CATIP: variants seen among roughly 807,000 people sequenced by gnomAD.
CATIP encodes the protein ciliogenesis associated TTC17 interacting protein, also known as ciliogenesis-associated TTC17-interacting protein.
A neutral mutation model predicts 42.5 loss-of-function variants in CATIP; 40 were observed. That is an observed-to-expected ratio of 0.94 (90% CI 0.73 to 1.22). The LOEUF (loss-of-function observed/expected upper bound fraction) is 1.22. Among genes scored for constraint, CATIP ranks in the 50% most tolerant of loss-of-function variants. The pLI is 0.00. For synonymous variants in CATIP, 222 were observed against 200.2 expected, an observed-to-expected ratio of 1.11 and a Z score of -0.92; for missense variants, 489 against 496.0, an observed-to-expected ratio of 0.99 and a Z score of 0.13.
intron 4 of CATIP, among the ~76,000 whole-genome samples, chr2:218,360,025 C>T (rs578112790): frequency 2.3e-4 from 35 of 152,098 alleles, no homozygotes; most frequent in African/African-American, 7.0e-4. Context: ...GGGGTTTTGC[C>T]ATGTTGGCCA....
chr2:218,360,792 C>G, intron 5 of CATIP, 133 bp downstream of exon 5: 1 of 586,646 alleles, frequency 1.7e-6, no homozygotes, highest in Non-Finnish European at 3.0e-6. Context: ...TCAGGAGGTC[C>G]TGAGGAAATG....
Position 218,367,454 on chromosome 2 carries a change from T to C in CATIP, c.857T>C (p.Phe286Ser), listed in dbSNP as rs1343170953. The C allele has an allele frequency of 6.2e-7, 1 of 1,613,966 alleles. No homozygotes were observed. The highest frequency in any genetic ancestry group is 8.5e-7 in the Non-Finnish European group (1 of 1,180,014). ...GATGAGATTGAGCCACGCCCAGTGT[T>C]TGAGAAGAAGCCCCTGGTATGGGAG... is the stretch of plus-strand genomic sequence containing the variant. Reference protein sequence around the residue: ...EEDEIEPRPVFEKKPLVWEED... With the variant: ...EEDEIEPRPVSEKKPLVWEED... The change falls in exon 9 of 10, where the codon TTT becomes TCT. Residue 286 changes from phenylalanine (F) to serine (S), a missense_variant. Coordinates refer to ENST00000289388, the MANE Select transcript of CATIP (RefSeq NM_198559.2).
At chr2:218,364,466 A>G (rs1695353911) in intron 6 of CATIP, among the ~76,000 whole-genome samples, 162 bp from the exon 7 acceptor site, 1 of 152,226 alleles carries the variant, frequency 6.6e-6, no homozygotes, top group African/African-American at 2.4e-5. Flanking sequence ...ACCTGGAGCT[A>G]GCTCCCTATG....
chr2:218,365,750 T>A (rs1003863335), intron 7 of CATIP: 1 of 152,194 alleles, frequency 6.6e-6, no homozygotes, highest in African/African-American at 2.4e-5. Flanking sequence ...GAATGCCGCA[T>A]AGCAGGAGAT....
chr2:218,364,484 G>A (rs1695354695), intron 6 of CATIP, 144 bp from the exon 7 acceptor site: 9 of 1,222,108 alleles, frequency 7.4e-6, no homozygotes, highest in South Asian at 1.5e-5. Flanking sequence ...ATGAGGGGTC[G>A]CCAACTCAGC....
chr2:218,357,887 T>A, intron 3 of CATIP, 150 bp from the exon 4 acceptor site: 2 of 1,064,282 alleles, frequency 1.9e-6, no homozygotes, highest in Non-Finnish European at 2.9e-6. Flanking sequence ...GAGTTCCTCA[T>A]GGACTCGGGA....
intron 7 of CATIP, 122 bp from the exon 8 acceptor site, chr2:218,366,902 G>T: frequency 1.3e-6 from 1 of 754,774 alleles, no homozygotes; most frequent in Non-Finnish European, 2.4e-6. Flanking sequence ...GCATGTAAAC[G>T]TAATGACCTC....
chr2:218,367,087 C>T lies in CATIP; in HGVS notation c.819C>T (p.Ile273=). Reference sequence around the variant, plus strand: ...GCTGCATCATCACCAAGATGCCCATCTTGAGGGAAGAGGGTGAGTGAAGCC... The same window carrying T: ...GCTGCATCATCACCAAGATGCCCATTTTGAGGGAAGAGGGTGAGTGAAGCC... The part of the protein sequence containing the change: ...PGCCIITKMP[I]LREEDEIEPR... The change falls in exon 8 of 10, where the codon ATC becomes ATT. Residue 273 remains isoleucine (I), a synonymous_variant. Coordinates refer to ENST00000289388, the MANE Select transcript of CATIP (RefSeq NM_198559.2). 3 of 1,613,112 alleles carry T rather than the reference C, an allele frequency of 1.9e-6. No homozygotes were observed. The South Asian group carries it at 3.3e-5, about 18-fold the overall frequency.
chr2:218,363,166 G>A (rs1163892858), intron 6 of CATIP, among the ~76,000 whole-genome samples: 1 of 152,114 alleles, frequency 6.6e-6, no homozygotes, highest in Non-Finnish European at 1.5e-5. Flanking sequence ...AATAAATATA[G>A]TGCAGGGCTG....
rs1695200597 is a variant in CATIP, at chr2:218,360,626, G to C, written c.429G>C (p.Gln143His). Residue 143 changes from glutamine (Q) to histidine (H), a missense_variant, in exon 5 of 10, where the codon CAG (glutamine) becomes CAC (histidine). Transcript: ENST00000289388. ...RKMSLLKQDD[Q>H]LAVTRSIKEG... ...TGAGTTTGCTGAAGCAGGATGATCA[G>C]CTGGCTGTGACCAGAAGTATCAAGG... The C allele has an allele frequency of 6.2e-7, 1 of 1,613,890 alleles. No individual in the cohort carries two copies. Among genetic ancestry groups the C allele is most frequent in the Non-Finnish European group, 8.5e-7 (1 of 1,179,992 alleles).
chr2:218,358,880 T>A (rs1303594540), intron 4 of CATIP, among the ~76,000 whole-genome samples: 1 of 66,128 alleles, frequency 1.5e-5, no homozygotes, highest in South Asian at 6.8e-4. Context: ...TGAGACCCTG[T>A]CTCAAAAAAA....
intron 7 of CATIP, chr2:218,366,778 A>G (rs937607376): frequency 2.3e-5 from 11 of 475,450 alleles, no homozygotes; most frequent in South Asian, 4.1e-5. Context: ...TGCCTTCTCA[A>G]TGTGTCCTCA....
intron 7 of CATIP, 53 bp downstream of exon 7, chr2:218,364,805 A>C (rs1467270624): frequency 6.4e-7 from 1 of 1,570,154 alleles, no homozygotes; most frequent in Non-Finnish European, 8.7e-7. Context: ...GTAGGTGCTC[A>C]AGGAGACCGG....
intron 7 of CATIP, chr2:218,366,325 A>T (rs1448067283): frequency 6.6e-6 from 1 of 152,146 alleles, no homozygotes; most frequent in Non-Finnish European, 1.5e-5. Context: ...GCGTTTCACT[A>T]TGTTGGCCAG....
intron 7 of CATIP, chr2:218,365,418 A>C (rs1284018174): frequency 1.3e-5 from 2 of 152,102 alleles, no homozygotes; most frequent in African/African-American, 2.4e-5. Context: ...TCTCAAAAAA[A>C]AAAAAGAAAG....
At position 218,367,766 on chromosome 2, in the gene CATIP, C is replaced by T; in HGVS notation, c.966C>T (p.Pro322=). 1 of 1,610,676 alleles carries T rather than the reference C, an allele frequency of 6.2e-7. No homozygotes were observed. ...LGHASYLRQH[P]EAHALISDFL... ...ACGCCAGCTATCTGCGGCAGCACCC[C>T]GAAGCCCACGCGCTCATCTCCGACT... Residue 322 remains proline, a synonymous_variant, in exon 10 of 10, where the codon CCC becomes CCT. Coordinates refer to ENST00000289388, the MANE Select transcript of CATIP (RefSeq NM_198559.2).
At chr2:218,364,604 C>A (rs749854335) in intron 6 of CATIP, 24 bp from the exon 7 acceptor site, 3 of 1,611,176 alleles carry the variant, frequency 1.9e-6, no homozygotes, top group East Asian at 2.2e-5. Context: ...TTACCTCCCA[C>A]CCCCCAATTT....
chr2:218,362,025 A>G (rs1438326804), intron 5 of CATIP, among the ~76,000 whole-genome samples: 1 of 151,512 alleles, frequency 6.6e-6, no homozygotes, highest in Non-Finnish European at 1.5e-5. Flanking sequence ...AAAGGAAAAA[A>G]AAAAAAGACA....
intron 6 of CATIP, among the ~76,000 whole-genome samples, chr2:218,363,295 A>G (rs1389108668): frequency 1.3e-5 from 2 of 150,654 alleles, no homozygotes; most frequent in Admixed American, 6.6e-5. Context: ...CCTGGCTAAC[A>G]TGGTGAAACC....
Sources: gnomAD v4.1 joint callset for allele counts (sites outside exome capture counted in the v4.1 genomes callset) on GRCh38, gnomAD v4.1.1 for gene constraint, MANE v1.5 for transcripts, NCBI Gene and HGNC (gene_info 2026-07-23, HGNC 2026-07-21) for gene names.